The following FAM76B variants were observed in gnomAD, a reference collection of about 807,000 sequenced individuals.
FAM76B encodes family with sequence similarity 76 member B, also known as protein FAM76B.
FAM76B carries 16 observed loss-of-function variants against 51.8 expected under a neutral mutation model. The ratio of observed to expected loss-of-function variants is 0.31; its 90% confidence interval spans 0.21 to 0.47. The LOEUF is 0.47. FAM76B is among the 20% of genes least tolerant of loss of function. FAM76B has a pLI of 1.00. For missense variants in FAM76B, 342 were observed against 392.6 expected (o/e 0.87, Z 1.09); for synonymous variants, 166 against 129.5 (o/e 1.28, Z -1.91).
intron 1 of FAM76B, 169 bp downstream of exon 1, chr11:95,789,223 C>A: frequency 1.0e-6 from 1 of 963,674 alleles, no homozygotes; most frequent in Non-Finnish European, 1.5e-6. Context: ...CCGTTCCCAG[C>A]TAATGTTCAA....
rs753692406 is a variant in FAM76B at position 95,779,889 on chromosome 11, A to T, written c.601T>A (p.Trp201Arg). 2 of 1,605,740 alleles carry T rather than the reference A, an allele frequency of 1.2e-6. No homozygotes were observed. The highest frequency in any genetic ancestry group is 1.7e-6 in the Non-Finnish European group (2 of 1,176,632). ...NLSPEEEQGL[W>R]KQSHKSSATI... Reference sequence around the variant, plus strand: ...CAGCAATGTATTTACCTCTGTTTCCACAGTCCCTGCTCTTCTTCTGGACTT... The same window carrying T: ...CAGCAATGTATTTACCTCTGTTTCCTCAGTCCCTGCTCTTCTTCTGGACTT... Residue 201 changes from tryptophan (W) to arginine (R), a missense_variant, in exon 6 of 10, where the codon TGG (tryptophan) becomes AGG (arginine). Physicochemically the swap from Trp to Arg is moderately radical, Grantham distance 101. This residue lies in a region of FAM76B where 230 missense variants were observed against 257.4 expected (regional missense o/e 0.89). Transcript: ENST00000358780.
At chr11:95,771,794 T>C in intron 9 of FAM76B, 144 bp from the exon 10 acceptor site, 1 of 604,582 alleles carries the variant, frequency 1.7e-6, no homozygotes, top group Non-Finnish European at 2.7e-6. Context: ...TTGATACCTT[T>C]ACATTCATCT....
At position 95,788,571 on chromosome 11, in the gene FAM76B, A is replaced by T; in HGVS notation, c.88-8T>A. 1 of 1,608,614 alleles carries T rather than the reference A, an allele frequency of 6.2e-7. No homozygotes were observed. The highest frequency in any genetic ancestry group is 1.1e-5 in the South Asian group (1 of 90,938). On this transcript the variant is annotated splice_region_variant and splice_polypyrimidine_tract_variant and intron_variant, in intron 1 of 9. Coordinates refer to ENST00000358780, the MANE Select transcript of FAM76B (RefSeq NM_144664.5). ...ATGTGCAATCCGACATTCCTGTAATAAGACAATACATTAGTCAGTATCTTT... is the reference window on the plus strand; with the variant it reads ...ATGTGCAATCCGACATTCCTGTAATTAGACAATACATTAGTCAGTATCTTT...
At chr11:95,786,454 C>T (rs1860594347) in intron 3 of FAM76B, 180 bp from the exon 4 acceptor site, 3 of 552,924 alleles carry the variant, frequency 5.4e-6, no homozygotes, top group South Asian at 5.9e-5. Context: ...ATGCATTCAA[C>T]TAGTATTTAT....
chr11:95,778,095 A>C (rs1860091410), intron 8 of FAM76B, among the ~76,000 whole-genome samples: 2 of 151,486 alleles, frequency 1.3e-5, no homozygotes, highest in Admixed American at 6.6e-5. Flanking sequence ...ATTCTGCTTT[A>C]GGTCACACAG....
At chr11:95,781,092 T>TC (rs150335388) in intron 5 of FAM76B, among the ~76,000 whole-genome samples, 8 of 151,512 alleles carry the variant, frequency 5.3e-5, no homozygotes, top group Admixed American at 1.3e-4. Context: ...TTTTTTTTTT[T>TC]CCCACAAATT....
chr11:95,777,223 T>C (rs982146000), intron 8 of FAM76B, among the ~76,000 whole-genome samples: 1 of 151,422 alleles, frequency 6.6e-6, no homozygotes, highest in African/African-American at 2.4e-5. Context: ...CTTCATCATC[T>C]TAGATTTATA....
chr11:95,781,038 C>T (rs1860239621), intron 5 of FAM76B, among the ~76,000 whole-genome samples: 1 of 149,916 alleles, frequency 6.7e-6, no homozygotes, highest in Non-Finnish European at 1.5e-5. Flanking sequence ...GTTATTCTTA[C>T]TTGTGAATGA....
At chr11:95,787,527 A>G in intron 3 of FAM76B, 97 bp downstream of exon 3, 2 of 1,227,914 alleles carry the variant, frequency 1.6e-6, no homozygotes, top group Non-Finnish European at 1.2e-6. Context: ...GGCGTGAGCC[A>G]CTGTGCCCAG....
chr11:95,783,244 G>A lies in FAM76B; in HGVS notation c.384C>T (p.Cys128=), dbSNP rs1358444625. Residue 128 remains cysteine, a synonymous_variant, in exon 5 of 10, where the codon TGC becomes TGT. Transcript: ENST00000358780. ...TTTTGTACGATAAAGTACAGAGCCA[G>A]CATAATAACTTTCCATCAACCTTTT... ...GRRKVDGKLL[C]WLCTLSYKRV... 6.2e-7 allele frequency: 1 copy of A among 1,612,386 alleles called. No homozygotes were observed. Among genetic ancestry groups the A allele is most frequent in the Admixed American group, 1.7e-5 (1 of 59,908 alleles).
In FAM76B at chr11:95,786,272, G is replaced by A. The variant is rs1030161248; in HGVS notation, c.210C>T (p.Pro70=). ...CAQNVKQFGT[P]KPCQYCNIIA... ...TTATGTTACAGTACTGACAAGGCTT[G>A]GGCTGAAAAACATACACATTTTGAG... The change falls in exon 4 of 10, where the codon CCC becomes CCT. Residue 70 remains proline, a splice_region_variant and synonymous_variant. Transcript: ENST00000358780. 3.7e-6 allele frequency: 6 copies of A among 1,613,412 alleles called. No individual in the cohort carries two copies. The highest frequency in any genetic ancestry group is 5.1e-6 in the Non-Finnish European group (6 of 1,179,714).
chr11:95,787,082 A>G (rs1012452557), intron 3 of FAM76B, among the ~76,000 whole-genome samples: 3 of 152,220 alleles, frequency 2.0e-5, no homozygotes, highest in East Asian at 1.9e-4. Flanking sequence ...TTGAATCTCT[A>G]AAGAACAGCT....
intron 9 of FAM76B, among the ~76,000 whole-genome samples, 185 bp from the exon 10 acceptor site, chr11:95,771,835 C>G (rs1008555653): frequency 1.3e-5 from 2 of 151,018 alleles, no homozygotes; most frequent in Non-Finnish European, 3.0e-5. Flanking sequence ...AAGGAAAATT[C>G]TAGATTGGCT....
intron 5 of FAM76B, among the ~76,000 whole-genome samples, chr11:95,781,775 C>G (rs1860284330): frequency 6.6e-6 from 1 of 152,144 alleles, no homozygotes; most frequent in East Asian, 1.9e-4. Context: ...TTCAAAACAG[C>G]CAGAAGAGAA....
At position 95,787,609 on chromosome 11, in the gene FAM76B, A is replaced by T; in HGVS notation, c.207+15T>A. ...TAACTGGTAACAATGACATGAAAACATAAGACATACTTACCGTCCCAAATT... is the reference window on the plus strand; with the variant it reads ...TAACTGGTAACAATGACATGAAAACTTAAGACATACTTACCGTCCCAAATT... On this transcript the variant is annotated intron_variant, in intron 3 of 9. Coordinates refer to ENST00000358780, the MANE Select transcript of FAM76B (RefSeq NM_144664.5). The T allele has an allele frequency of 6.2e-7, 1 of 1,607,742 alleles. No homozygotes were observed. Among genetic ancestry groups the T allele is most frequent in the Non-Finnish European group, 8.5e-7 (1 of 1,175,640 alleles).
At position 95,786,135 on chromosome 11, in the gene FAM76B, T is replaced by C. The variant is rs762137395; in HGVS notation, c.347A>G (p.Glu116Gly). 1.2e-6 allele frequency: 2 copies of C among 1,610,192 alleles called. No homozygotes were observed. Among genetic ancestry groups the C allele is most frequent in the Non-Finnish European group, 1.7e-6 (2 of 1,178,216 alleles). Residue 116 changes from glutamate (E) to glycine (G), a missense_variant, in exon 4 of 10, where the codon GAG (glutamate) becomes GGG (glycine). Coordinates refer to ENST00000358780, the MANE Select transcript of FAM76B (RefSeq NM_144664.5). ...CKQQCAFDRK[E>G]EGRRKVDGKL... ...AAAGCATACCTTTCTTCTTCCTTCC[T>C]CCTTCCGATCAAAAGCACATTGCTG...
At chr11:95,785,912 C>T (rs1309842668) in intron 4 of FAM76B, among the ~76,000 whole-genome samples, 1 of 152,116 alleles carries the variant, frequency 6.6e-6, no homozygotes, top group Non-Finnish European at 1.5e-5. Flanking sequence ...GAATAGCCAC[C>T]ATAGAATATT....
intron 9 of FAM76B, among the ~76,000 whole-genome samples, chr11:95,773,692 A>G (rs189689360): frequency 5.3e-5 from 8 of 151,408 alleles, no homozygotes; most frequent in Non-Finnish European, 1.2e-4. Flanking sequence ...CAAATATATA[A>G]AACACTTAGC....
At chr11:95,781,289 G>T (rs143948540) in intron 5 of FAM76B, among the ~76,000 whole-genome samples, 1 of 152,056 alleles carries the variant, frequency 6.6e-6, no homozygotes, top group South Asian at 2.1e-4. Context: ...TACCCCTGCC[G>T]ATCACTATCT....
Sources: gnomAD v4.1 joint callset for allele counts (sites outside exome capture counted in the v4.1 genomes callset) on GRCh38, gnomAD v4.1.1 for gene constraint, gnomAD v4.1.1 regional missense constraint, MANE v1.5 for transcripts, NCBI Gene and HGNC (gene_info 2026-07-23, HGNC 2026-07-21) for gene names.